Variants in TMEM182 observed in about 807,000 individuals in gnomAD.
TMEM182 encodes transmembrane protein 182.
Under a neutral mutation model 26.8 loss-of-function variants are expected in TMEM182, and 20 were observed. The ratio of observed to expected loss-of-function variants is 0.75; its 90% CI spans 0.53 to 1.09. The LOEUF (loss-of-function observed/expected upper bound fraction) is 1.09. TMEM182 is among the 50% of genes least tolerant of loss of function. The probability of loss-of-function intolerance (pLI) is 0.00; values close to 1 mark genes in which losing one functional copy is unlikely to be tolerated. For missense variants in TMEM182, 277 were observed against 275.5 expected (o/e 1.01, Z -0.04); for synonymous variants, 109 against 102.2 (o/e 1.07, Z -0.40).
chr2:102,814,672 C>A, intron 4 of TMEM182, 76 bp from the exon 5 acceptor site: 1 of 1,325,328 alleles, frequency 7.5e-7, no homozygotes, highest in South Asian at 1.4e-5. Context: ...GTCATCCGGT[C>A]AATGATTGGT....
chr2:102,829,368 C>T (rs575175349), intron 3 of TMEM182, among the ~76,000 whole-genome samples: 1 of 152,234 alleles, frequency 6.6e-6, no homozygotes, highest in South Asian at 2.1e-4. Context: ...CATTGCCTGT[C>T]CAATGACTTA....
intron 1 of TMEM182, among the ~76,000 whole-genome samples, chr2:102,746,775 G>C (rs933482318): frequency 3.6e-4 from 55 of 152,192 alleles, no homozygotes; most frequent in African/African-American, 1.3e-3. Context: ...TTTTAGTAGA[G>C]ATGGGATTTC....
chr2:102,781,395 A>G (rs751390575), intron 3 of TMEM182, among the ~76,000 whole-genome samples: 4 of 152,194 alleles, frequency 2.6e-5, no homozygotes, highest in Non-Finnish European at 4.4e-5. Flanking sequence ...TTTAAGATAC[A>G]TAGTGGAGTT....
intron 3 of TMEM182, among the ~76,000 whole-genome samples, chr2:102,768,513 C>T (rs1189527573): frequency 2.0e-5 from 3 of 146,488 alleles, no homozygotes; most frequent in Non-Finnish European, 3.0e-5. Context: ...TGGTGAAATC[C>T]TATCTGTACT....
intron 4 of TMEM182, among the ~76,000 whole-genome samples, chr2:102,799,659 T>C (rs1009472286): frequency 1.3e-5 from 2 of 152,222 alleles, no homozygotes; most frequent in Non-Finnish European, 2.9e-5. Context: ...TCTTCATGGC[T>C]TCACTGAGCA....
Position 102,815,855 on chromosome 2 carries a change from TA to T in TMEM182, c.*888del, listed in dbSNP as rs1452976118. The stretch of plus-strand genomic sequence containing the variant: ...ATTTATTGATAAAATGTGATTTTAA[TA>T]TTTTTTAGATATAAACTTTCAACGT... On this transcript the variant is annotated 3_prime_UTR_variant, in exon 5 of 5. Transcript: ENST00000412401. The T allele has an allele frequency of 6.6e-6, 6 of 912,512 alleles. No individual in the cohort carries two copies. The highest frequency in any genetic ancestry group is 7.9e-6 in the Non-Finnish European group (6 of 764,088). The allele number at this position is 912,512 out of a possible 1,614,324, so 56.5% of individuals were successfully genotyped here.
Position 102,843,173 on chromosome 2 carries a change from CA to C in TMEM182, c.326-238del, listed in dbSNP as rs1312498101. On this transcript the variant is annotated intron_variant, in intron 3 of 3. Coordinates refer to the TMEM182 transcript ENST00000486293. ...CCTTGGCTGCTGAGATCCGCCATGTCAGGAGATACCATGACACCTCCAGTAA... is the reference window on the plus strand; with the variant it reads ...CCTTGGCTGCTGAGATCCGCCATGTCGGAGATACCATGACACCTCCAGTAA... Among the ~76,000 whole-genome samples the C allele has an allele frequency of 2.6e-5, 4 of 152,260 alleles. No individual in the cohort carries two copies. The East Asian group carries it at 5.8e-4, about 22-fold the overall frequency.
intron 3 of TMEM182, among the ~76,000 whole-genome samples, chr2:102,768,871 G>A (rs1409834888): frequency 6.6e-6 from 1 of 151,802 alleles, no homozygotes; most frequent in Non-Finnish European, 1.5e-5. Context: ...ATGATGTGAG[G>A]CTACAAGCAG....
At chr2:102,742,554 A>G (rs1461886229) in intron 1 of TMEM182, among the ~76,000 whole-genome samples, 2 of 152,184 alleles carry the variant, frequency 1.3e-5, no homozygotes. Context: ...ACAGACACCA[A>G]ACCACATGTA....
intron 3 of TMEM182, among the ~76,000 whole-genome samples, chr2:102,773,987 A>G (rs1319500340): frequency 1.3e-5 from 2 of 152,138 alleles, no homozygotes; most frequent in African/African-American, 4.8e-5. Context: ...TTAATTTTAG[A>G]TTTTTTAAAA....
At chr2:102,748,874 C>G (rs925843507) in intron 1 of TMEM182, among the ~76,000 whole-genome samples, 3 of 152,024 alleles carry the variant, frequency 2.0e-5, no homozygotes, top group Admixed American at 6.6e-5. Context: ...CTCCAGTTAT[C>G]GAAGCTTTGA....
chr2:102,776,145 T>C (rs1248165139), intron 3 of TMEM182, among the ~76,000 whole-genome samples: 1 of 152,176 alleles, frequency 6.6e-6, no homozygotes, highest in Non-Finnish European at 1.5e-5. Context: ...TTGCTTTATC[T>C]TGGTACGTTT....
downstream of TMEM182, among the ~76,000 whole-genome samples, chr2:102,819,377 C>A (rs369070850): frequency 2.6e-5 from 4 of 152,246 alleles, no homozygotes; most frequent in South Asian, 2.1e-4. Context: ...TTGTTTTCAT[C>A]CCCCGAAAAT....
intron 3 of TMEM182, among the ~76,000 whole-genome samples, chr2:102,826,870 A>C (rs1455070623): frequency 7.9e-5 from 12 of 152,100 alleles, no homozygotes; most frequent in Admixed American, 7.9e-4. Context: ...ATCATCCCAC[A>C]AGTTACATGG....
intron 3 of TMEM182, among the ~76,000 whole-genome samples, chr2:102,826,291 C>G (rs1252698251): frequency 2.0e-5 from 3 of 148,396 alleles, no homozygotes; most frequent in East Asian, 4.0e-4. Context: ...AGCGTACAGT[C>G]TGCAGCTGGC....
At chr2:102,835,622 C>T (rs1056075109) in intron 3 of TMEM182, among the ~76,000 whole-genome samples, 1 of 152,130 alleles carries the variant, frequency 6.6e-6, no homozygotes, top group Non-Finnish European at 1.5e-5. Context: ...CCACCCAACC[C>T]CTGAAAACCA....
intron 3 of TMEM182, among the ~76,000 whole-genome samples, chr2:102,836,900 T>G (rs1340438924): frequency 6.6e-6 from 1 of 152,198 alleles, no homozygotes; most frequent in East Asian, 1.9e-4. Flanking sequence ...TCCAAGCTTC[T>G]CCAATCCAGT....
intron 1 of TMEM182, among the ~76,000 whole-genome samples, chr2:102,748,799 A>C (rs1679791003): frequency 6.6e-6 from 1 of 152,168 alleles, no homozygotes; most frequent in South Asian, 2.1e-4. Context: ...ATCTGAGAAA[A>C]ATTTACATAA....
intron 2 of TMEM182, 86 bp downstream of exon 2, chr2:102,762,772 A>T (rs1262773225): frequency 1.7e-5 from 19 of 1,125,014 alleles, no homozygotes; most frequent in Non-Finnish European, 2.2e-5. Flanking sequence ...CTTCTAGCGG[A>T]CTGGATTGTG....
Sources: gnomAD v4.1 joint callset for allele counts (sites outside exome capture counted in the v4.1 genomes callset) on GRCh38, gnomAD v4.1.1 for gene constraint, MANE v1.5 for transcripts, NCBI Gene and HGNC (gene_info 2026-07-23, HGNC 2026-07-21) for gene names.